The following RUNX1T1 variants were observed in gnomAD, a reference collection of about 807,000 sequenced individuals.
The protein encoded by RUNX1T1 is protein CBFA2T1.
In RUNX1T1, 4 loss-of-function variants were observed where a neutral mutation model predicts 62.8. That is an observed-to-expected ratio of 0.06 (90% confidence interval 0.03 to 0.15). RUNX1T1 has a LOEUF of 0.15. Among genes scored for constraint, RUNX1T1 ranks in the 10% least tolerant of loss-of-function variants. The pLI, the probability that RUNX1T1 is intolerant of heterozygous loss-of-function variation, is 1.00. For synonymous variants in RUNX1T1, 291 were observed against 286.0 expected (o/e 1.02, Z -0.18); for missense variants, 508 against 754.3 (o/e 0.67, Z 3.82).
At chr8:92,090,705 T>C (rs1836856696) in intron 1 of RUNX1T1, among the ~76,000 whole-genome samples, 1 of 152,174 alleles carries the variant, frequency 6.6e-6, no homozygotes, top group Non-Finnish European at 1.5e-5. Flanking sequence ...AGCCAATTTT[T>C]CAGAGAATAA....
intron 1 of RUNX1T1, among the ~76,000 whole-genome samples, chr8:92,023,681 C>A (rs1824567030): frequency 6.6e-6 from 1 of 152,334 alleles, no homozygotes; most frequent in Middle Eastern, 3.4e-3. Flanking sequence ...GTCACTTTCT[C>A]TGGTTCTTCA....
At chr8:92,009,598 C>CT (rs11435747) in intron 4 of RUNX1T1, 111,704 of 142,986 alleles carry the variant, frequency 0.78, 43,565 homozygotes, top group East Asian at 0.98. Flanking sequence ...TCTTCTTCTT[C>CT]TTTTTTTTTT....
intron 1 of RUNX1T1, among the ~76,000 whole-genome samples, chr8:92,084,535 G>A (rs1212926834): frequency 2.0e-5 from 3 of 152,156 alleles, no homozygotes; most frequent in Non-Finnish European, 4.4e-5. Flanking sequence ...TGAGTTCAAG[G>A]CATGAGCTCT....
At chr8:91,976,683 T>C (rs1285779537) in intron 8 of RUNX1T1, among the ~76,000 whole-genome samples, 2 of 152,244 alleles carry the variant, frequency 1.3e-5, no homozygotes, top group Admixed American at 6.5e-5. Context: ...AAACAACTAA[T>C]AACTTTGATA....
chr8:92,012,724 T>C (rs1051951390), intron 3 of RUNX1T1, among the ~76,000 whole-genome samples: 8 of 151,064 alleles, frequency 5.3e-5, no homozygotes, highest in Non-Finnish European at 1.2e-4. Context: ...TTTGCCCATG[T>C]GTCAAATGTG....
At chr8:92,026,739 G>A (rs1355812866) in intron 1 of RUNX1T1, among the ~76,000 whole-genome samples, 6 of 151,744 alleles carry the variant, frequency 4.0e-5, no homozygotes, top group East Asian at 2.0e-4. Flanking sequence ...GGAGAATGGC[G>A]TAAACCCGTG....
chr8:92,093,516 T>C (rs1837344438), intron 1 of RUNX1T1, among the ~76,000 whole-genome samples: 1 of 152,244 alleles, frequency 6.6e-6, no homozygotes, highest in Non-Finnish European at 1.5e-5. Flanking sequence ...CACTTGAGTG[T>C]AAAATACATA....
rs946148659 is a variant in RUNX1T1, at chr8:92,035,518, T to C, written c.8-18155A>G. 4.7e-4 allele frequency among the ~76,000 whole-genome samples: 71 copies of C among 152,224 alleles called. 1 individual carries two copies. Among genetic ancestry groups the C allele is most frequent in the Admixed American group, 4.1e-3 (62 of 15,288 alleles). On this transcript the variant is annotated intron_variant, in intron 1 of 10. Coordinates refer to ENST00000396218, the Ensembl canonical transcript of RUNX1T1. ...CATAAAAAAAAATTTTAAAGGCGAT[T>C]TTCTCTTGGCTTAATATGGTCAATA...
chr8:92,075,652 G>A (rs1218783301), intron 2 of RUNX1T1, among the ~76,000 whole-genome samples: 1 of 152,054 alleles, frequency 6.6e-6, no homozygotes, highest in African/African-American at 2.4e-5. Flanking sequence ...GTATTGCTCA[G>A]CTTATAACAG....
At chr8:92,068,364 G>A (rs1258064262) in intron 2 of RUNX1T1, among the ~76,000 whole-genome samples, 1 of 151,998 alleles carries the variant, frequency 6.6e-6, no homozygotes, top group Non-Finnish European at 1.5e-5. Flanking sequence ...TTGTTAAAAC[G>A]CAAGGGTGAT....
intron 1 of RUNX1T1, among the ~76,000 whole-genome samples, chr8:92,043,740 G>A (rs1828883063): frequency 6.6e-6 from 1 of 152,030 alleles, no homozygotes; most frequent in Admixed American, 6.5e-5. Context: ...ACTCTGGTAG[G>A]CTGAGGCGGA....
chr8:91,955,033 A>G (rs1809146051), downstream of RUNX1T1: 6 of 205,528 alleles, frequency 2.9e-5, no homozygotes. Context: ...CATACAGAAC[A>G]GCACTCCTTT....
At chr8:92,077,691 G>A (rs1040322417) in intron 1 of RUNX1T1, among the ~76,000 whole-genome samples, 5 of 151,984 alleles carry the variant, frequency 3.3e-5, no homozygotes, top group Non-Finnish European at 5.9e-5. Flanking sequence ...GGCCATCAGA[G>A]AGCCTGACAA....
At chr8:92,075,113 C>T (rs78387920) in intron 2 of RUNX1T1, among the ~76,000 whole-genome samples, 1,878 of 152,298 alleles carry the variant, frequency 0.012, 30 homozygotes, top group African/African-American at 0.041. Flanking sequence ...GTGAGTATTT[C>T]GCTCCCCCTC....
At chr8:92,020,386 G>A (rs185648539) in intron 1 of RUNX1T1, among the ~76,000 whole-genome samples, 141 of 152,222 alleles carry the variant, frequency 9.3e-4, no homozygotes, top group Non-Finnish European at 1.6e-3. Flanking sequence ...CAAATTAGAG[G>A]ACATGGTAAA....
chr8:91,997,655 T>G (rs1179327888), intron 5 of RUNX1T1, among the ~76,000 whole-genome samples: 2 of 152,172 alleles, frequency 1.3e-5, no homozygotes, highest in Admixed American at 1.3e-4. Flanking sequence ...GTCCTATTGC[T>G]GATCTCAAGC....
intron 5 of RUNX1T1, among the ~76,000 whole-genome samples, chr8:92,002,152 C>T (rs1819881459): frequency 6.6e-6 from 1 of 152,110 alleles, no homozygotes; most frequent in Non-Finnish European, 1.5e-5. Flanking sequence ...GAATTTTCTA[C>T]TTACTTTCCC....
At chr8:92,069,068 A>C (rs922258445) in intron 2 of RUNX1T1, among the ~76,000 whole-genome samples, 1 of 152,130 alleles carries the variant, frequency 6.6e-6, no homozygotes, top group Non-Finnish European at 1.5e-5. Flanking sequence ...TTCTCTTCTG[A>C]TAATGTCTAT....
chr8:91,993,328 G>T (rs1818047217), intron 5 of RUNX1T1, among the ~76,000 whole-genome samples: 1 of 152,100 alleles, frequency 6.6e-6, no homozygotes, highest in African/African-American at 2.4e-5. Flanking sequence ...GGGCGCCCCA[G>T]TGACAATTCA....
Sources: allele counts gnomAD v4.1 joint callset (sites outside exome capture counted in the v4.1 genomes callset), GRCh38; gene constraint gnomAD v4.1.1; transcripts MANE v1.5; gene names NCBI Gene and HGNC (gene_info 2026-07-23, HGNC 2026-07-21).